The following GPATCH2 variants were observed in gnomAD, a reference collection of about 807,000 sequenced individuals.
GPATCH2 encodes G-patch domain containing 2.
Under a neutral mutation model 58.0 loss-of-function variants are expected in GPATCH2, and 51 were observed. That is an observed-to-expected ratio of 0.88 (90% CI 0.70 to 1.11). The LOEUF is 1.11. GPATCH2 is among the 50% of genes most tolerant of loss of function. The pLI is 0.00. For synonymous variants in GPATCH2, 222 were observed against 218.5 expected (o/e 1.02, Z -0.14); for missense variants, 625 against 652.2 (o/e 0.96, Z 0.45).
intron 5 of GPATCH2, chr1:217,609,057 A>C: frequency 1.3e-6 from 1 of 786,918 alleles, no homozygotes; most frequent in South Asian, 5.8e-5. Flanking sequence ...TAATCCATAC[A>C]ATAATATAAA....
At chr1:217,540,908 C>T (rs1006318219) in intron 5 of GPATCH2, among the ~76,000 whole-genome samples, 8 of 152,142 alleles carry the variant, frequency 5.3e-5, no homozygotes, top group East Asian at 1.9e-4. Flanking sequence ...GGCTGAAATA[C>T]GGCATTGTGC....
At chr1:217,468,977 A>G (rs1406996291) in intron 8 of GPATCH2, among the ~76,000 whole-genome samples, 2 of 152,162 alleles carry the variant, frequency 1.3e-5, no homozygotes, top group African/African-American at 4.8e-5. Context: ...CATCTTTTCA[A>G]TCCTTAAGAT....
At chr1:217,611,151 A>C in intron 3 of GPATCH2, 80 bp from the exon 4 acceptor site, 1 of 1,281,796 alleles carries the variant, frequency 7.8e-7, no homozygotes, top group Non-Finnish European at 1.1e-6. Context: ...GTCAGGTAAT[A>C]AAAATACAAG....
intron 5 of GPATCH2, among the ~76,000 whole-genome samples, chr1:217,596,717 C>T (rs1300383155): frequency 1.3e-5 from 2 of 152,086 alleles, no homozygotes; most frequent in Non-Finnish European, 2.9e-5. Flanking sequence ...ATCTCTCCGC[C>T]ATTTTTTCGA....
intron 1 of GPATCH2, 22 bp from the exon 2 acceptor site, chr1:217,620,521 A>G (rs774975608): frequency 7.0e-7 from 1 of 1,435,228 alleles, no homozygotes; most frequent in African/African-American, 1.4e-5. Context: ...AGAGAAAGAA[A>G]AAAGAAAATA....
At chr1:217,605,023 C>CAAAAT (rs368892916) in intron 5 of GPATCH2, among the ~76,000 whole-genome samples, 2,978 of 151,570 alleles carry the variant, frequency 0.02, 81 homozygotes, top group African/African-American at 0.061. Context: ...GGCTCTGTCT[C>CAAAAT]AAAATAAAAT....
intron 5 of GPATCH2, among the ~76,000 whole-genome samples, chr1:217,526,035 C>T (rs558466607): frequency 6.6e-6 from 1 of 152,222 alleles, no homozygotes; most frequent in African/African-American, 2.4e-5. Context: ...GGTATTATTT[C>T]TACTATTTTT....
chr1:217,487,495 G>A (rs1313684166), intron 8 of GPATCH2, among the ~76,000 whole-genome samples: 1 of 145,880 alleles, frequency 6.9e-6, no homozygotes, highest in Non-Finnish European at 1.5e-5. Flanking sequence ...GCCCAATCTT[G>A]GCTCACTGCA....
intron 5 of GPATCH2, among the ~76,000 whole-genome samples, chr1:217,574,293 C>A (rs944348157): frequency 1.3e-5 from 2 of 152,108 alleles, no homozygotes; most frequent in Non-Finnish European, 2.9e-5. Context: ...TACTTTGGGA[C>A]TATCCTAGCC....
At chr1:217,450,217 A>G (rs1659596513) in intron 8 of GPATCH2, among the ~76,000 whole-genome samples, 1 of 152,114 alleles carries the variant, frequency 6.6e-6, no homozygotes, top group Non-Finnish European at 1.5e-5. Flanking sequence ...GGGAACATGA[A>G]GCAGAAATAA....
At chr1:217,621,499 T>G (rs909736176) in intron 1 of GPATCH2, among the ~76,000 whole-genome samples, 3 of 152,210 alleles carry the variant, frequency 2.0e-5, no homozygotes, top group African/African-American at 7.2e-5. Context: ...GTAACTGGCC[T>G]GCTAGTAAAT....
intron 8 of GPATCH2, among the ~76,000 whole-genome samples, chr1:217,489,792 G>C (rs1661632511): frequency 6.6e-6 from 1 of 152,230 alleles, no homozygotes; most frequent in Non-Finnish European, 1.5e-5. Context: ...AACCCGAGAG[G>C]CGGAGGTTGC....
intron 8 of GPATCH2, among the ~76,000 whole-genome samples, chr1:217,450,477 T>C (rs1659610129): frequency 6.6e-6 from 1 of 152,248 alleles, no homozygotes; most frequent in East Asian, 1.9e-4. Flanking sequence ...ATATAGATTT[T>C]ATTTATAAAG....
intron 6 of GPATCH2, among the ~76,000 whole-genome samples, chr1:217,503,310 T>C (rs1662393729): frequency 6.6e-6 from 1 of 152,056 alleles, no homozygotes; most frequent in Non-Finnish European, 1.5e-5. Context: ...ATCAGGAGTA[T>C]AATATCATGG....
At chr1:217,563,594 C>T (rs988293477) in intron 5 of GPATCH2, among the ~76,000 whole-genome samples, 2 of 152,000 alleles carry the variant, frequency 1.3e-5, no homozygotes, top group Admixed American at 6.6e-5. Flanking sequence ...ATTTTCAATA[C>T]CTAAAAAAGC....
chr1:217,438,963 G>A (rs774578205), intron 9 of GPATCH2, among the ~76,000 whole-genome samples: 4 of 152,140 alleles, frequency 2.6e-5, no homozygotes, highest in African/African-American at 4.8e-5. Flanking sequence ...ACAGAGCAAC[G>A]AGACAGAAAA....
At chr1:217,446,309 A>T (rs1191439708) in intron 9 of GPATCH2, among the ~76,000 whole-genome samples, 1 of 152,172 alleles carries the variant, frequency 6.6e-6, no homozygotes, top group Non-Finnish European at 1.5e-5. Context: ...CTTAGCTAAA[A>T]ATCAGAAGTT....
In GPATCH2 at chr1:217,427,257, A is replaced by G. The variant is rs1355149792; in HGVS notation, c.*3888T>C. 6.6e-6 allele frequency: 1 copy of G among 152,152 alleles called. No homozygotes were observed. Among genetic ancestry groups the G allele is most frequent in the African/African-American group, 2.4e-5 (1 of 41,456 alleles). The allele number at this position is 152,152 out of a possible 1,614,324, so 9.4% of individuals were successfully genotyped here. A position where few individuals can be genotyped will look rare whatever the true frequency, so the allele number is the denominator to read the frequency against. On this transcript the variant is annotated 3_prime_UTR_variant, in exon 10 of 10. Coordinates refer to ENST00000366935, the MANE Select transcript of GPATCH2 (RefSeq NM_018040.5). ...GACCTTAAGCAAGTTAGTCTAATCA[A>G]GCTTCACAGAAACAATAAAAACAGG...
At chr1:217,548,865 A>T (rs1372638370) in intron 5 of GPATCH2, among the ~76,000 whole-genome samples, 2 of 152,128 alleles carry the variant, frequency 1.3e-5, no homozygotes, top group Non-Finnish European at 2.9e-5. Context: ...CCTCCCCAGC[A>T]ATGTGGAACT....
Sources: allele counts gnomAD v4.1 joint callset (sites outside exome capture counted in the v4.1 genomes callset), GRCh38; gene constraint gnomAD v4.1.1; transcripts MANE v1.5; gene names NCBI Gene and HGNC (gene_info 2026-07-23, HGNC 2026-07-21).